Variants in SRD5A2 observed in about 807,000 individuals in gnomAD.
The protein encoded by SRD5A2 is 3-oxo-5-alpha-steroid 4-dehydrogenase 2.
Under a neutral mutation model 27.4 loss-of-function variants are expected in SRD5A2, and 30 were observed. The observed-to-expected ratio is 1.10, with a 90% CI of 0.82 to 1.49. The LOEUF (loss-of-function observed/expected upper bound fraction) is 1.49. Ranked by LOEUF, SRD5A2 falls within the 40% of genes most tolerant of loss-of-function variation. SRD5A2 has a pLI of 0.00. For synonymous variants in SRD5A2, 141 were observed against 133.6 expected (o/e 1.06, Z -0.38); for missense variants, 348 against 323.4 (o/e 1.08, Z -0.58).
the SRD5A2 span, among the ~76,000 whole-genome samples, chr2:31,638,410 T>C: frequency 6.6e-6 from 1 of 152,176 alleles, no homozygotes; most frequent in South Asian, 2.1e-4. Flanking sequence ...CTACAGCAGT[T>C]GGATGAAATG....
chr2:31,550,700 A>T (rs1161884372), intron 1 of SRD5A2, among the ~76,000 whole-genome samples: 3 of 152,008 alleles, frequency 2.0e-5, no homozygotes, highest in African/African-American at 4.8e-5. Context: ...TAATGATAAA[A>T]TTATAAGAAA....
intron 1 of SRD5A2, among the ~76,000 whole-genome samples, chr2:31,575,479 C>T (rs1010245567): frequency 2.6e-5 from 4 of 152,124 alleles, no homozygotes; most frequent in African/African-American, 9.7e-5. Context: ...GCCCAAAGAA[C>T]AGCATCACAA....
chr2:31,550,809 G>T (rs1030808046), intron 1 of SRD5A2, among the ~76,000 whole-genome samples: 8 of 151,882 alleles, frequency 5.3e-5, no homozygotes, highest in African/African-American at 1.7e-4. Flanking sequence ...TTTTCCTTAA[G>T]ATCGTGAACA....
the SRD5A2 span, among the ~76,000 whole-genome samples, chr2:31,586,357 C>G: frequency 6.6e-6 from 1 of 152,234 alleles, no homozygotes; most frequent in African/African-American, 2.4e-5. Flanking sequence ...GGGCACAGAC[C>G]TGGATGGCTT....
the SRD5A2 span, among the ~76,000 whole-genome samples, chr2:31,616,792 A>G: frequency 1.1e-4 from 17 of 152,198 alleles, no homozygotes; most frequent in Non-Finnish European, 4.4e-5. Context: ...GCTGTTGGGA[A>G]GGCATGATTG....
At chr2:31,612,601 T>A in the SRD5A2 span, among the ~76,000 whole-genome samples, 2 of 152,176 alleles carry the variant, frequency 1.3e-5, no homozygotes, top group East Asian at 3.8e-4. Flanking sequence ...ACCAAAGTAA[T>A]CTGCATATTT....
At chr2:31,534,164 T>C (rs1228256742) in intron 1 of SRD5A2, among the ~76,000 whole-genome samples, 2 of 152,180 alleles carry the variant, frequency 1.3e-5, no homozygotes, top group Admixed American at 6.5e-5. Flanking sequence ...TCAAAAATTA[T>C]AAAGCCTATT....
At chr2:31,589,533 A>G in the SRD5A2 span, among the ~76,000 whole-genome samples, 1 of 152,156 alleles carries the variant, frequency 6.6e-6, no homozygotes, top group Non-Finnish European at 1.5e-5. Context: ...TCCATTGGGG[A>G]AAGACTCTCA....
At chr2:31,549,047 AG>A (rs930634776) in intron 1 of SRD5A2, among the ~76,000 whole-genome samples, 3 of 150,726 alleles carry the variant, frequency 2.0e-5, no homozygotes, top group African/African-American at 7.3e-5. Flanking sequence ...AACAGAAAGT[AG>A]AATGGTGGCT....
In SRD5A2 at chr2:31,526,152, T is replaced by G; in HGVS notation, c.*44A>C. 1 of 1,268,138 alleles carries G rather than the reference T, an allele frequency of 7.9e-7. No individual in the cohort carries two copies. The highest frequency in any genetic ancestry group is 1.1e-6 in the Non-Finnish European group (1 of 890,636). The allele number at this position is 1,268,138 out of a possible 1,614,324, so 78.6% of individuals were successfully genotyped here. The stretch of plus-strand genomic sequence containing the variant: ...TACAGTTTCAGCAGCTTGACAGTTT[T>G]CATCAGCATTGTGGGAGCTCTGCTC... On this transcript the variant is annotated 3_prime_UTR_variant, in exon 5 of 5. Coordinates refer to ENST00000622030, the MANE Select transcript of SRD5A2 (RefSeq NM_000348.4).
At chr2:31,611,848 C>A in the SRD5A2 span, among the ~76,000 whole-genome samples, 2 of 152,060 alleles carry the variant, frequency 1.3e-5, no homozygotes, top group Non-Finnish European at 2.9e-5. Context: ...CAAAAAAAGA[C>A]TTGTACGTGA....
At chr2:31,529,785 G>A (rs1402177707) in intron 3 of SRD5A2, among the ~76,000 whole-genome samples, 2 of 152,140 alleles carry the variant, frequency 1.3e-5, no homozygotes, top group African/African-American at 2.4e-5. Context: ...GTTTTGTTCT[G>A]TTAAGGAAGG....
chr2:31,539,454 G>A (rs1464498809), intron 1 of SRD5A2, among the ~76,000 whole-genome samples: 2 of 152,204 alleles, frequency 1.3e-5, no homozygotes, highest in Non-Finnish European at 2.9e-5. Context: ...AGCAAAGTCT[G>A]ATGGAAGTGC....
At chr2:31,533,024 G>A (rs1304619098) in intron 2 of SRD5A2, among the ~76,000 whole-genome samples, 1 of 152,166 alleles carries the variant, frequency 6.6e-6, no homozygotes, top group Non-Finnish European at 1.5e-5. Context: ...GATGTGGCCT[G>A]ACACAAATTC....
chr2:31,659,142 T>A, the SRD5A2 span, among the ~76,000 whole-genome samples: 1 of 152,144 alleles, frequency 6.6e-6, no homozygotes, highest in Non-Finnish European at 1.5e-5. Context: ...CACTTCATGT[T>A]GAAAACACTG....
chr2:31,565,957 C>G (rs1377520155), intron 1 of SRD5A2, among the ~76,000 whole-genome samples: 1 of 151,946 alleles, frequency 6.6e-6, no homozygotes, highest in Non-Finnish European at 1.5e-5. Context: ...AATTCTGGGC[C>G]ATAAAACAAG....
chr2:31,571,150 C>G (rs1430367857), intron 1 of SRD5A2, among the ~76,000 whole-genome samples: 1 of 152,156 alleles, frequency 6.6e-6, no homozygotes, highest in Non-Finnish European at 1.5e-5. Context: ...ACCAAAACAG[C>G]GTGGCACTGG....
chr2:31,562,676 G>C (rs985181864), intron 1 of SRD5A2, among the ~76,000 whole-genome samples: 1 of 152,096 alleles, frequency 6.6e-6, no homozygotes, highest in African/African-American at 2.4e-5. Context: ...ATTCCAAAAG[G>C]GAAAAGGAGG....
At chr2:31,552,897 G>T (rs1353089197) in intron 1 of SRD5A2, among the ~76,000 whole-genome samples, 1 of 152,066 alleles carries the variant, frequency 6.6e-6, no homozygotes, top group East Asian at 1.9e-4. Flanking sequence ...CACAATCAAA[G>T]GAAAAAACAA....
Sources: gnomAD v4.1 joint callset for allele counts (sites outside exome capture counted in the v4.1 genomes callset) on GRCh38, gnomAD v4.1.1 for gene constraint, MANE v1.5 for transcripts, NCBI Gene and HGNC (gene_info 2026-07-23, HGNC 2026-07-21) for gene names.